PCDH9: variants seen among roughly 807,000 people sequenced by gnomAD.
PCDH9 encodes protocadherin 9, also known as protocadherin-9.
Under a neutral mutation model 70.6 loss-of-function variants are expected in PCDH9, and 24 were observed. The ratio of observed to expected loss-of-function variants is 0.34; its 90% CI spans 0.25 to 0.48. The LOEUF (loss-of-function observed/expected upper bound fraction) is 0.48, where lower values mean the gene tolerates loss of function less well. Ranked by LOEUF, PCDH9 falls within the 20% of genes least tolerant of loss-of-function variation. PCDH9 has a pLI of 0.99. For missense variants in PCDH9, 1,281 were observed against 1,503.6 expected, an observed-to-expected ratio of 0.85 and a Z score of 2.45; for synonymous variants, 562 against 558.5, an observed-to-expected ratio of 1.01 and a Z score of -0.09.
intron 2 of PCDH9, among the ~76,000 whole-genome samples, chr13:66,986,002 G>C (rs116437333): frequency 1.3e-5 from 2 of 151,956 alleles, no homozygotes; most frequent in Non-Finnish European, 2.9e-5. Flanking sequence ...GTATTAGTCT[G>C]TTCTCATGCT....
chr13:66,851,588 C>T (rs2081315823), intron 3 of PCDH9, among the ~76,000 whole-genome samples: 1 of 151,680 alleles, frequency 6.6e-6, no homozygotes, highest in Non-Finnish European at 1.5e-5. Flanking sequence ...CACACACACA[C>T]ACACACACAC....
intron 3 of PCDH9, among the ~76,000 whole-genome samples, chr13:66,755,101 T>A (rs1380859640): frequency 6.6e-6 from 1 of 152,196 alleles, no homozygotes; most frequent in Non-Finnish European, 1.5e-5. Context: ...AAAACTGCAA[T>A]GTTAAAATTT....
intron 4 of PCDH9, among the ~76,000 whole-genome samples, chr13:66,333,788 T>C (rs1332043551): frequency 6.6e-6 from 1 of 152,158 alleles, no homozygotes; most frequent in Non-Finnish European, 1.5e-5. Flanking sequence ...CTGTAAAAAA[T>C]GTATGTGACC....
chr13:66,598,438 A>G (rs2077128354), intron 4 of PCDH9, among the ~76,000 whole-genome samples: 1 of 151,884 alleles, frequency 6.6e-6, no homozygotes, highest in African/African-American at 2.4e-5. Context: ...ATTATGCTTA[A>G]GAAATTAATA....
chr13:66,876,883 G>A (rs1431989879), intron 3 of PCDH9: 4 of 152,024 alleles, frequency 2.6e-5, no homozygotes, highest in Non-Finnish European at 5.9e-5. Flanking sequence ...AAATCAGACA[G>A]CTCTCACCAC....
At chr13:66,578,219 C>T (rs868279722) in intron 4 of PCDH9, among the ~76,000 whole-genome samples, 16 of 152,158 alleles carry the variant, frequency 1.1e-4, no homozygotes, top group South Asian at 6.2e-4. Flanking sequence ...TCAAGGAAAA[C>T]GTCATACCTT....
intron 3 of PCDH9, among the ~76,000 whole-genome samples, chr13:66,808,987 A>G (rs9599148): frequency 0.34 from 51,876 of 151,742 alleles, 9,788 homozygotes; most frequent in Non-Finnish European, 0.43. Context: ...TTGCTCTGTC[A>G]CCCACGCTGG....
chr13:66,771,686 G>A (rs2079809060), intron 3 of PCDH9, among the ~76,000 whole-genome samples: 2 of 152,160 alleles, frequency 1.3e-5, no homozygotes, highest in South Asian at 2.1e-4. Context: ...CAGTCAACTC[G>A]AACTAGGTTC....
At chr13:66,868,011 A>G (rs1270927554) in intron 3 of PCDH9, among the ~76,000 whole-genome samples, 1 of 152,002 alleles carries the variant, frequency 6.6e-6, no homozygotes, top group Non-Finnish European at 1.5e-5. Flanking sequence ...GCTGAAATGT[A>G]TATTATTTAA....
At chr13:66,685,284 G>A (rs1237854572) in intron 3 of PCDH9, among the ~76,000 whole-genome samples, 4 of 152,178 alleles carry the variant, frequency 2.6e-5, no homozygotes, top group African/African-American at 9.6e-5. Context: ...GTGGCCAAAA[G>A]GGCCAAAGTA....
intron 4 of PCDH9, among the ~76,000 whole-genome samples, chr13:66,431,822 G>C (rs114358771): frequency 0.013 from 1,931 of 152,038 alleles, 43 homozygotes; most frequent in African/African-American, 0.045. Flanking sequence ...TTTTAATGAC[G>C]TCCAAGATTC....
intron 2 of PCDH9, among the ~76,000 whole-genome samples, chr13:66,999,091 C>T (rs1269787399): frequency 1.3e-5 from 2 of 152,210 alleles, no homozygotes; most frequent in African/African-American, 4.8e-5. Context: ...GAACGTCTTG[C>T]TTCCCAAGCA....
chr13:66,977,266 T>C (rs938633168), intron 2 of PCDH9, among the ~76,000 whole-genome samples: 4 of 152,126 alleles, frequency 2.6e-5, no homozygotes, highest in African/African-American at 4.8e-5. Flanking sequence ...AAAATCTGGC[T>C]TGCAGGGTGT....
chr13:66,835,340 C>T (rs577330111), intron 3 of PCDH9, among the ~76,000 whole-genome samples: 9 of 152,288 alleles, frequency 5.9e-5, no homozygotes, highest in African/African-American at 1.9e-4. Context: ...AAAGCTCCAG[C>T]TGTTTGTGTG....
rs532918126 is a variant in PCDH9, at chr13:66,337,681, G to A, written c.3341-32653C>T. 6.6e-5 allele frequency among the ~76,000 whole-genome samples: 10 copies of A among 152,084 alleles called. No individual in the cohort carries two copies. In the East Asian group the frequency reaches 1.5e-3, roughly 23 times the overall value. On this transcript the variant is annotated intron_variant, in intron 4 of 4. Transcript: ENST00000377865. ...TAATAACTTTTATTTCTGAGTCTAG[G>A]ACAAGGACATCTTAAGTAATTTAAG...
chr13:66,589,685 G>A (rs1346379591), intron 4 of PCDH9, among the ~76,000 whole-genome samples: 1 of 152,024 alleles, frequency 6.6e-6, no homozygotes, highest in Non-Finnish European at 1.5e-5. Flanking sequence ...TGGGAGCAGC[G>A]ATGAATCCTT....
intron 3 of PCDH9, among the ~76,000 whole-genome samples, chr13:66,876,255 T>TA (rs1010853274): frequency 1.9e-4 from 28 of 151,246 alleles, no homozygotes; most frequent in Admixed American, 1.5e-3. Context: ...AGTAAGAAAG[T>TA]AAAAAAAAAT....
intron 4 of PCDH9, among the ~76,000 whole-genome samples, chr13:66,426,813 T>TA (rs1455777959): frequency 2.6e-5 from 4 of 151,552 alleles, no homozygotes; most frequent in Non-Finnish European, 3.0e-5. Context: ...TATAGATATT[T>TA]TTTCTTTTGT....
intron 4 of PCDH9, among the ~76,000 whole-genome samples, chr13:66,409,401 C>A (rs1035824202): frequency 6.6e-6 from 1 of 152,128 alleles, no homozygotes; most frequent in African/African-American, 2.4e-5. Flanking sequence ...TTGTCCTCCC[C>A]CTTTTTTCCC....
Sources: gnomAD v4.1 joint callset for allele counts (sites outside exome capture counted in the v4.1 genomes callset) on GRCh38, gnomAD v4.1.1 for gene constraint, MANE v1.5 for transcripts, NCBI Gene and HGNC (gene_info 2026-07-23, HGNC 2026-07-21) for gene names.